SCFD2: variants seen among roughly 807,000 people sequenced by gnomAD.
The protein encoded by SCFD2 is sec1 family domain-containing protein 2.
A neutral mutation model predicts 58.9 loss-of-function variants in SCFD2; 54 were observed. That is an observed-to-expected ratio of 0.92 (90% CI 0.74 to 1.15). SCFD2 has a LOEUF of 1.15. SCFD2 is among the 50% of genes most tolerant of loss of function. The pLI is 0.00. For missense variants in SCFD2, 805 were observed against 836.6 expected (o/e 0.96, Z 0.47); for synonymous variants, 321 against 335.9 (o/e 0.96, Z 0.49).
At chr4:53,288,482 A>G (rs551083430) in intron 3 of SCFD2, among the ~76,000 whole-genome samples, 2 of 152,328 alleles carry the variant, frequency 1.3e-5, no homozygotes, top group African/African-American at 2.4e-5. Context: ...TAAAAGCAGC[A>G]AAAGAAAAGA....
chr4:53,281,894 T>C (rs1474446377), intron 3 of SCFD2, among the ~76,000 whole-genome samples: 1 of 152,222 alleles, frequency 6.6e-6, no homozygotes, highest in Non-Finnish European at 1.5e-5. Flanking sequence ...AAATCATCAG[T>C]ATTTGTATTT....
chr4:52,948,620 C>T, intron 5 of SCFD2: 1 of 448,258 alleles, frequency 2.2e-6, no homozygotes, highest in Non-Finnish European at 4.5e-6. Flanking sequence ...ACCAGTGGTT[C>T]ACATATGGAA....
At chr4:52,931,516 C>A (rs538555891) in intron 5 of SCFD2, among the ~76,000 whole-genome samples, 1 of 152,216 alleles carries the variant, frequency 6.6e-6, no homozygotes, top group Admixed American at 6.5e-5. Context: ...TTTCCCACCA[C>A]CCCCCTCCGC....
intron 7 of SCFD2, among the ~76,000 whole-genome samples, chr4:52,892,826 G>A (rs753204599): frequency 4.6e-5 from 7 of 152,070 alleles, no homozygotes; most frequent in African/African-American, 9.7e-5. Flanking sequence ...TTCCTTAACC[G>A]CAACAATGAC....
chr4:53,207,507 T>A (rs867088490), intron 4 of SCFD2, among the ~76,000 whole-genome samples: 1 of 41,276 alleles, frequency 2.4e-5, no homozygotes, highest in African/African-American at 1.2e-4. Flanking sequence ...ATATATATAT[T>A]ATATATATTA....
intron 3 of SCFD2, among the ~76,000 whole-genome samples, chr4:53,300,657 C>T (rs1360364052): frequency 6.6e-6 from 1 of 152,210 alleles, no homozygotes; most frequent in African/African-American, 2.4e-5. Context: ...TTCTTTTCAG[C>T]ACCACACCAC....
At chr4:52,874,093 G>T (rs1331677020) in intron 8 of SCFD2, 32 bp from the exon 9 acceptor site, 1 of 1,392,220 alleles carries the variant, frequency 7.2e-7, no homozygotes, top group African/African-American at 1.4e-5. Context: ...CACACCGCAG[G>T]GAATTAGGGG....
intron 2 of SCFD2, among the ~76,000 whole-genome samples, chr4:53,331,547 G>A (rs1300657073): frequency 7.2e-5 from 11 of 151,966 alleles, no homozygotes; most frequent in South Asian, 6.2e-4. Flanking sequence ...TTTGAAACCA[G>A]CGAGAACAAA....
chr4:53,343,206 C>A (rs1220122545), intron 2 of SCFD2, among the ~76,000 whole-genome samples: 2 of 152,088 alleles, frequency 1.3e-5, no homozygotes, highest in African/African-American at 4.8e-5. Context: ...AATTGATAGA[C>A]CGCTAACAAG....
intron 5 of SCFD2, among the ~76,000 whole-genome samples, chr4:52,966,984 T>C (rs565100588): frequency 7.2e-5 from 11 of 152,346 alleles, no homozygotes; most frequent in South Asian, 6.2e-4. Flanking sequence ...TCTTGACCCA[T>C]TAAACTGTAA....
chr4:53,090,132 T>C (rs1724429677), intron 5 of SCFD2, among the ~76,000 whole-genome samples: 1 of 152,186 alleles, frequency 6.6e-6, no homozygotes, highest in South Asian at 2.1e-4. Flanking sequence ...GGGTGGCAAG[T>C]GGGATTTCAC....
At chr4:53,016,836 C>T (rs1450619931) in intron 5 of SCFD2, among the ~76,000 whole-genome samples, 4 of 152,110 alleles carry the variant, frequency 2.6e-5, no homozygotes, top group Non-Finnish European at 4.4e-5. Context: ...TGGCCAGGTG[C>T]GGTGGCTTAT....
At chr4:53,335,307 T>G (rs1733648602) in intron 2 of SCFD2, among the ~76,000 whole-genome samples, 1 of 151,330 alleles carries the variant, frequency 6.6e-6, no homozygotes, top group Non-Finnish European at 1.5e-5. Flanking sequence ...TGAGGAAACA[T>G]TAAACAAACA....
chr4:53,011,054 T>C (rs1351751498), intron 5 of SCFD2, among the ~76,000 whole-genome samples: 2 of 152,222 alleles, frequency 1.3e-5, no homozygotes, highest in Non-Finnish European at 2.9e-5. Flanking sequence ...GCACTAGCTA[T>C]GTCTGATTTC....
rs111773006 is a variant in SCFD2, at chr4:52,952,684, T to C, written c.1562-31814A>G. On this transcript the variant is annotated intron_variant, in intron 5 of 8. Coordinates refer to ENST00000401642, the MANE Select transcript of SCFD2 (RefSeq NM_152540.4). ...ATGGATTGCTGAAGGCCCCTTTCTTTCCTGATACATATCTCATGATTTAGT... is the reference window on the plus strand; with the variant it reads ...ATGGATTGCTGAAGGCCCCTTTCTTCCCTGATACATATCTCATGATTTAGT... 4.0e-3 allele frequency among the ~76,000 whole-genome samples: 611 copies of C among 152,346 alleles called. 9 individuals are homozygous for C. The highest frequency in any genetic ancestry group is 0.014 in the African/African-American group (580 of 41,578).
intron 3 of SCFD2, among the ~76,000 whole-genome samples, chr4:53,280,254 G>A (rs537568550): frequency 1.4e-4 from 21 of 152,216 alleles, no homozygotes; most frequent in African/African-American, 3.6e-4. Flanking sequence ...GGTGGCTCAC[G>A]CCTGTAATCC....
At chr4:53,259,293 C>T (rs1560417291) in intron 4 of SCFD2, among the ~76,000 whole-genome samples, 1 of 152,140 alleles carries the variant, frequency 6.6e-6, no homozygotes, top group South Asian at 2.1e-4. Context: ...AAGTCTTTGC[C>T]TAAGCCAATA....
chr4:53,012,548 A>G lies in SCFD2; in HGVS notation c.1562-91678T>C, dbSNP rs539171387. Among the ~76,000 whole-genome samples the G allele has an allele frequency of 2.6e-5, 4 of 152,208 alleles. No individual in the cohort carries two copies. The South Asian group carries it at 8.3e-4, about 32-fold the overall frequency. On this transcript the variant is annotated intron_variant, in intron 5 of 8. Transcript: ENST00000401642. ...TGGCCTGTTTGAAATAGTTCTCCTA[A>G]CAGCAAGATTCAAAAAAGAATATTC... is the stretch of plus-strand genomic sequence containing the variant.
At chr4:53,227,336 CT>C (rs1285357777) in intron 4 of SCFD2, among the ~76,000 whole-genome samples, 1 of 152,098 alleles carries the variant, frequency 6.6e-6, no homozygotes, top group Non-Finnish European at 1.5e-5. Flanking sequence ...ATGATTTTTC[CT>C]GTCACAGCAA....
Sources: gnomAD v4.1 joint callset for allele counts (sites outside exome capture counted in the v4.1 genomes callset) on GRCh38, gnomAD v4.1.1 for gene constraint, MANE v1.5 for transcripts, NCBI Gene and HGNC (gene_info 2026-07-23, HGNC 2026-07-21) for gene names.